PTPN4: variants seen among roughly 807,000 people sequenced by gnomAD.
PTPN4 encodes protein tyrosine phosphatase non-receptor type 4.
A neutral mutation model predicts 135.5 loss-of-function variants in PTPN4; 49 were observed. The ratio of observed to expected loss-of-function variants is 0.36; its 90% CI spans 0.29 to 0.46. The LOEUF is 0.46. Among genes scored for constraint, PTPN4 ranks in the 20% least tolerant of loss-of-function variants. The probability of loss-of-function intolerance (pLI) is 1.00; values close to 1 mark genes in which losing one functional copy is unlikely to be tolerated. For missense variants in PTPN4, 860 were observed against 1,101.0 expected, an observed-to-expected ratio of 0.78 and a Z score of 3.10; for synonymous variants, 333 against 369.9, an observed-to-expected ratio of 0.90 and a Z score of 1.14.
rs1045235295 is a variant in PTPN4 at position 119,961,090 on chromosome 2, A to G, written c.2280+137A>G. ...TTCTTGTGGTTTCTTGTTTTAAATC[A>G]TCATGTTTAAGTGCATAAAACTGTG... On this transcript the variant is annotated intron_variant, in intron 23 of 26. Transcript: ENST00000263708. 2.1e-5 allele frequency: 23 copies of G among 1,072,094 alleles called. No individual in the cohort carries two copies. In the African/African-American group the frequency reaches 3.4e-4, roughly 16 times the overall value. 66.4% of individuals were successfully genotyped at this position (1,072,094 alleles called of 1,614,324 possible). A position where few individuals can be genotyped will look rare whatever the true frequency, so the allele number is the denominator to read the frequency against.
intron 1 of PTPN4, among the ~76,000 whole-genome samples, chr2:119,805,600 G>A (rs1431729517): frequency 6.6e-6 from 1 of 152,164 alleles, no homozygotes; most frequent in Non-Finnish European, 1.5e-5. Flanking sequence ...TAGATGTGTG[G>A]TGATATTTCT....
At chr2:119,852,523 T>A (rs1677608353) in intron 2 of PTPN4, among the ~76,000 whole-genome samples, 1 of 152,250 alleles carries the variant, frequency 6.6e-6, no homozygotes, top group South Asian at 2.1e-4. Flanking sequence ...AAAGGTTGAT[T>A]TGTGTCTTTT....
At chr2:119,936,191 A>G (rs1397769487) in intron 15 of PTPN4, among the ~76,000 whole-genome samples, 1 of 152,110 alleles carries the variant, frequency 6.6e-6, no homozygotes, top group Non-Finnish European at 1.5e-5. Flanking sequence ...TTTAGTAGAG[A>G]TGGGGTTTCA....
At chr2:119,963,916 T>C (rs1342581881) in intron 24 of PTPN4, among the ~76,000 whole-genome samples, 1 of 152,206 alleles carries the variant, frequency 6.6e-6, no homozygotes, top group Non-Finnish European at 1.5e-5. Context: ...TTATATACCA[T>C]AGTGGCTTTT....
chr2:119,808,166 A>G (rs1487411703), intron 1 of PTPN4, among the ~76,000 whole-genome samples: 2 of 152,232 alleles, frequency 1.3e-5, no homozygotes, highest in African/African-American at 2.4e-5. Flanking sequence ...AAACTGGCAC[A>G]AGACAGGGAT....
intron 3 of PTPN4, among the ~76,000 whole-genome samples, chr2:119,866,763 C>T (rs958125891): frequency 1.3e-5 from 2 of 151,896 alleles, no homozygotes; most frequent in Non-Finnish European, 2.9e-5. Flanking sequence ...ACAGGCTGAC[C>T]GTTATTTCAA....
At chr2:119,910,384 C>G (rs969303405) in intron 10 of PTPN4, among the ~76,000 whole-genome samples, 4 of 152,214 alleles carry the variant, frequency 2.6e-5, no homozygotes, top group Non-Finnish European at 5.9e-5. Context: ...CTTTAGTAGT[C>G]TGGAACTAAG....
chr2:119,824,318 C>T (rs1677114777), intron 2 of PTPN4, among the ~76,000 whole-genome samples: 1 of 152,106 alleles, frequency 6.6e-6, no homozygotes, highest in South Asian at 2.1e-4. Context: ...CTAGAAATAT[C>T]AGTTAGGTTA....
At chr2:119,899,361 C>T (rs1420242728) in intron 9 of PTPN4, among the ~76,000 whole-genome samples, 3 of 152,146 alleles carry the variant, frequency 2.0e-5, no homozygotes, top group Non-Finnish European at 4.4e-5. Flanking sequence ...TAACTGAACT[C>T]GTACCTGAAA....
chr2:119,777,177 G>T (rs1021572987), intron 1 of PTPN4, among the ~76,000 whole-genome samples: 1 of 152,110 alleles, frequency 6.6e-6, no homozygotes, highest in African/African-American at 2.4e-5. Flanking sequence ...TGGCAGACTT[G>T]TTCCTACTTC....
intron 2 of PTPN4, among the ~76,000 whole-genome samples, chr2:119,825,199 T>C (rs890812428): frequency 2.0e-5 from 3 of 152,198 alleles, no homozygotes; most frequent in African/African-American, 7.2e-5. Context: ...TTGAATAATA[T>C]TTAGAGTATG....
At chr2:119,843,125 C>T (rs1285304332) in intron 2 of PTPN4, among the ~76,000 whole-genome samples, 1 of 151,746 alleles carries the variant, frequency 6.6e-6, no homozygotes, top group East Asian at 1.9e-4. Flanking sequence ...AGTGGATTAC[C>T]ACAAACAAAT....
At chr2:119,903,664 C>T (rs939295211) in intron 10 of PTPN4, among the ~76,000 whole-genome samples, 3 of 151,992 alleles carry the variant, frequency 2.0e-5, no homozygotes, top group Admixed American at 6.6e-5. Context: ...GGGACTGGCT[C>T]GTCCACCCTG....
In PTPN4 at chr2:119,978,903, A is replaced by G. The variant is rs1447336045; in HGVS notation, c.*1833A>G. The G allele has an allele frequency of 2.0e-5, 3 of 152,120 alleles. No individual in the cohort carries two copies. Among genetic ancestry groups the G allele is most frequent in the Non-Finnish European group, 2.9e-5 (2 of 67,960 alleles). 9.4% of individuals were successfully genotyped at this position (152,120 alleles called of 1,614,324 possible). On this transcript the variant is annotated 3_prime_UTR_variant, in exon 27 of 27. Transcript: ENST00000263708. ...TCAGGAAATCAAGCTCCTAAACATT[A>G]ATAGCCAAGATACCAAATAAATTAT... is the stretch of plus-strand genomic sequence containing the variant.
intron 5 of PTPN4, among the ~76,000 whole-genome samples, chr2:119,878,846 C>T (rs2104999402): frequency 6.6e-6 from 1 of 152,096 alleles, no homozygotes. Context: ...GTAATCCCAG[C>T]ACTTTGGGAG....
intron 3 of PTPN4, among the ~76,000 whole-genome samples, chr2:119,866,482 A>T (rs1191940920): frequency 6.6e-6 from 1 of 152,090 alleles, no homozygotes; most frequent in Non-Finnish European, 1.5e-5. Context: ...TCTGGGACCT[A>T]TGCCTAGAGA....
chr2:119,975,375 G>A (rs553044210), intron 26 of PTPN4, among the ~76,000 whole-genome samples: 8 of 152,232 alleles, frequency 5.3e-5, no homozygotes, highest in South Asian at 4.1e-4. Context: ...CTTGGCCTAC[G>A]AGAGTGCTGG....
chr2:119,940,826 T>A (rs1385206903), intron 15 of PTPN4, among the ~76,000 whole-genome samples: 1 of 152,092 alleles, frequency 6.6e-6, no homozygotes, highest in African/African-American at 2.4e-5. Flanking sequence ...TACCGTTTTT[T>A]AAAAAAAATT....
chr2:119,926,378 G>A (rs1018341284), intron 12 of PTPN4, among the ~76,000 whole-genome samples: 1 of 152,172 alleles, frequency 6.6e-6, no homozygotes, highest in Admixed American at 6.5e-5. Context: ...GACATGGAGG[G>A]AGTTGAACAC....
Sources: allele counts gnomAD v4.1 joint callset (sites outside exome capture counted in the v4.1 genomes callset), GRCh38; gene constraint gnomAD v4.1.1; transcripts MANE v1.5; gene names NCBI Gene and HGNC (gene_info 2026-07-23, HGNC 2026-07-21).